Variants in PLA2G4C observed in about 807,000 individuals in gnomAD.
PLA2G4C encodes phospholipase A2 group IVC, also known as cytosolic phospholipase A2 gamma.
A neutral mutation model predicts 73.8 loss-of-function variants in PLA2G4C; 64 were observed. The ratio of observed to expected loss-of-function variants is 0.87; its 90% CI spans 0.71 to 1.07. The LOEUF is 1.07. Among genes scored for constraint, PLA2G4C ranks in the 50% least tolerant of loss-of-function variants. PLA2G4C has a pLI of 0.00. For missense variants in PLA2G4C, 622 were observed against 665.4 expected (o/e 0.93, Z 0.72); for synonymous variants, 254 against 252.1 (o/e 1.01, Z -0.07).
intron 13 of PLA2G4C, among the ~76,000 whole-genome samples, chr19:48,067,249 C>G (rs1968466246): frequency 6.6e-6 from 1 of 151,506 alleles, no homozygotes. Context: ...CTCACTGCAA[C>G]CTCTGCCTCC....
chr19:48,104,475 C>G, intron 4 of PLA2G4C, 113 bp downstream of exon 4: 1 of 1,014,270 alleles, frequency 9.9e-7, no homozygotes, highest in Non-Finnish European at 1.5e-6. Context: ...CCAGCTAGTA[C>G]CAGAGAGCTC....
At chr19:48,049,493 C>A (rs1967640568) in intron 16 of PLA2G4C, among the ~76,000 whole-genome samples, 1 of 101,204 alleles carries the variant, frequency 9.9e-6, no homozygotes, top group African/African-American at 3.1e-5. Flanking sequence ...CTGTTTATGT[C>A]ATGTTGCCCC....
intron 4 of PLA2G4C, among the ~76,000 whole-genome samples, chr19:48,101,492 C>T (rs2031918808): frequency 1.3e-5 from 2 of 151,924 alleles, no homozygotes; most frequent in Non-Finnish European, 2.9e-5. Flanking sequence ...TACCCTCACA[C>T]CATCCAATGT....
chr19:48,110,603 C>T lies in PLA2G4C; in HGVS notation c.-149G>A. On this transcript the variant is annotated 5_prime_UTR_variant, in exon 1 of 17. Coordinates refer to ENST00000599921, the MANE Select transcript of PLA2G4C (RefSeq NM_003706.3). ...GTAGTCGCTGGACAGCTCCTTCAGC[C>T]GGAATCTCCGCGGGTGAAGACTGCG... is the stretch of plus-strand genomic sequence containing the variant. The T allele has an allele frequency of 4.3e-6, 2 of 469,582 alleles. No individual in the cohort carries two copies. The highest frequency in any genetic ancestry group is 5.6e-6 in the Non-Finnish European group (2 of 358,994). The allele number at this position is 469,582 out of a possible 1,614,324, so 29.1% of individuals were successfully genotyped here.
chr19:48,093,899 G>A (rs1283704882), intron 7 of PLA2G4C, among the ~76,000 whole-genome samples: 1 of 152,088 alleles, frequency 6.6e-6, no homozygotes, highest in African/African-American at 2.4e-5. Context: ...GCTCTTCTTT[G>A]GCTTGCTCTT....
At chr19:48,067,041 C>T (rs750724975) in intron 13 of PLA2G4C, among the ~76,000 whole-genome samples, 2 of 152,050 alleles carry the variant, frequency 1.3e-5, no homozygotes, top group Admixed American at 6.6e-5. Flanking sequence ...AGAGGATCTC[C>T]ACCAGCTATG....
intron 14 of PLA2G4C, among the ~76,000 whole-genome samples, chr19:48,057,477 C>T (rs201578319): frequency 0.042 from 702 of 16,584 alleles, 3 homozygotes; most frequent in East Asian, 0.15. Context: ...TCTTCTTCTT[C>T]TTCTTCTTTT....
At chr19:48,066,989 A>G (rs1157594888) in intron 13 of PLA2G4C, among the ~76,000 whole-genome samples, 1 of 151,280 alleles carries the variant, frequency 6.6e-6, no homozygotes, top group African/African-American at 2.4e-5. Flanking sequence ...ACACACACAC[A>G]TACACATACA....
chr19:48,101,100 G>C (rs2031885592), intron 4 of PLA2G4C, among the ~76,000 whole-genome samples: 2 of 126,086 alleles, frequency 1.6e-5, no homozygotes, highest in African/African-American at 6.8e-5. Context: ...GTGTCACATA[G>C]AGTCTATATA....
At chr19:48,063,193 G>A (rs1033349726) in intron 13 of PLA2G4C, among the ~76,000 whole-genome samples, 2 of 152,070 alleles carry the variant, frequency 1.3e-5, no homozygotes, top group Non-Finnish European at 2.9e-5. Flanking sequence ...ACAGGCACCC[G>A]CCACCATGCT....
intron 12 of PLA2G4C, among the ~76,000 whole-genome samples, chr19:48,071,031 T>C (rs1422120411): frequency 6.6e-6 from 1 of 152,300 alleles, no homozygotes; most frequent in Non-Finnish European, 1.5e-5. Context: ...TAGATAGAGA[T>C]AGATAGCTAT....
intron 1 of PLA2G4C, 144 bp downstream of exon 1, chr19:48,110,343 C>G: frequency 4.3e-6 from 2 of 464,810 alleles, no homozygotes; most frequent in Non-Finnish European, 6.3e-6. Context: ...GAGATGCTGT[C>G]TCAAAAAAAA....
Position 48,048,376 on chromosome 19 carries a change from C to T in PLA2G4C, c.1593G>A (p.Pro531=), listed in dbSNP as rs779631342. 5.6e-6 allele frequency: 9 copies of T among 1,594,338 alleles called. No homozygotes were observed. The highest frequency in any genetic ancestry group is 4.6e-5 in the East Asian group (2 of 43,732). ...AGCAGCAACTTCGGGCACTATCCTT[C>T]GGGTAGTAGAGCCTGGGGAGAAAGG... is the stretch of plus-strand genomic sequence containing the variant. ...ELMNVAGLYY[P]KDSARSCCLA Residue 531 remains proline, a synonymous_variant, in exon 17 of 17, where the codon CCG becomes CCA. Transcript: ENST00000599921.
At chr19:48,099,569 A>G in intron 5 of PLA2G4C, 102 bp downstream of exon 5, 1 of 763,214 alleles carries the variant, frequency 1.3e-6, no homozygotes, top group South Asian at 2.0e-5. Context: ...GAAAATCCTG[A>G]AGGACTTAAA....
At chr19:48,091,018 A>C (rs2031266617) in intron 7 of PLA2G4C, among the ~76,000 whole-genome samples, 1 of 152,126 alleles carries the variant, frequency 6.6e-6, no homozygotes. Context: ...AAAAAAAAAA[A>C]AAAAGTTGCA....
At chr19:48,057,153 G>A (rs933944403) in intron 14 of PLA2G4C, among the ~76,000 whole-genome samples, 4 of 152,142 alleles carry the variant, frequency 2.6e-5, no homozygotes, top group Non-Finnish European at 5.9e-5. Context: ...AGATCAGTGT[G>A]TTTGTGTTTT....
intron 4 of PLA2G4C, among the ~76,000 whole-genome samples, chr19:48,103,640 A>G (rs1281274570): frequency 6.6e-6 from 1 of 152,148 alleles, no homozygotes; most frequent in East Asian, 1.9e-4. Flanking sequence ...AGTGTTTCAT[A>G]CCTGCCATCT....
chr19:48,048,544 C>T (rs984500056), intron 16 of PLA2G4C, among the ~76,000 whole-genome samples, 156 bp from the exon 17 acceptor site: 4 of 152,180 alleles, frequency 2.6e-5, no homozygotes, highest in Non-Finnish European at 5.9e-5. Context: ...ACCTGGAGCT[C>T]CACCACCTCC....
At chr19:48,077,154 C>T (rs1273687788) in intron 11 of PLA2G4C, among the ~76,000 whole-genome samples, 1 of 152,082 alleles carries the variant, frequency 6.6e-6, no homozygotes, top group Non-Finnish European at 1.5e-5. Context: ...CTAGGCATAC[C>T]TAGGGTATAT....
Sources: gnomAD v4.1 joint callset for allele counts (sites outside exome capture counted in the v4.1 genomes callset) on GRCh38, gnomAD v4.1.1 for gene constraint, MANE v1.5 for transcripts, NCBI Gene and HGNC (gene_info 2026-07-23, HGNC 2026-07-21) for gene names.